Variants in DTNB observed in about 807,000 individuals in gnomAD.
DTNB encodes the protein DTN-B.
In DTNB, 63 loss-of-function variants were observed where a neutral mutation model predicts 90.7. That is an observed-to-expected ratio of 0.69 (90% CI 0.57 to 0.86). The LOEUF is 0.86. DTNB is among the 40% of genes least tolerant of loss of function. The probability of loss-of-function intolerance (pLI) is 0.00; values close to 1 mark genes in which losing one functional copy is unlikely to be tolerated. For missense variants in DTNB, 744 were observed against 807.1 expected, an observed-to-expected ratio of 0.92 and a Z score of 0.95; for synonymous variants, 277 against 286.7, an observed-to-expected ratio of 0.97 and a Z score of 0.34.
intron 17 of DTNB, 75 bp downstream of exon 17, chr2:25,388,127 A>G (rs919855886): frequency 2.6e-6 from 4 of 1,531,324 alleles, no homozygotes; most frequent in Non-Finnish European, 3.5e-6. Flanking sequence ...AGAAATGGAA[A>G]AAACCTCAGC....
rs984298040 is a variant in DTNB, at chr2:25,565,622, T to C, written c.876+11216A>G. Among the ~76,000 whole-genome samples the C allele has an allele frequency of 2.0e-5, 3 of 149,978 alleles. No individual in the cohort carries two copies. The South Asian group carries it at 6.3e-4, about 31-fold the overall frequency. ...TTCCCAGTTTATTGCATTTTTTTTT[T>C]ATCGTGACAGAATTTTGGGTTTTGT... On this transcript the variant is annotated intron_variant, in intron 8 of 20. Transcript: ENST00000406818.
intron 10 of DTNB, among the ~76,000 whole-genome samples, chr2:25,466,540 C>A (rs768785300): frequency 1.3e-5 from 2 of 152,192 alleles, no homozygotes; most frequent in Non-Finnish European, 2.9e-5. Context: ...TGTTAGAGAA[C>A]GCAGGGGAGC....
intron 9 of DTNB, among the ~76,000 whole-genome samples, chr2:25,521,232 G>A (rs2076075247): frequency 6.6e-6 from 1 of 152,212 alleles, no homozygotes; most frequent in South Asian, 2.1e-4. Context: ...TTCTTTGAGA[G>A]CAGGGGTTGG....
intron 12 of DTNB, among the ~76,000 whole-genome samples, chr2:25,442,518 G>A (rs1417289348): frequency 2.0e-5 from 3 of 152,308 alleles, no homozygotes; most frequent in South Asian, 2.1e-4. Context: ...ATCCAAGGTC[G>A]ATGCGCTGCT....
intron 14 of DTNB, 56 bp from the exon 15 acceptor site, chr2:25,427,687 C>T: frequency 1.3e-6 from 2 of 1,560,040 alleles, no homozygotes; most frequent in Non-Finnish European, 1.7e-6. Flanking sequence ...GGATCTAAGG[C>T]CAGGTGAAAT....
chr2:25,546,638 C>T (rs577556010), intron 8 of DTNB, among the ~76,000 whole-genome samples: 13 of 152,320 alleles, frequency 8.5e-5, no homozygotes, highest in South Asian at 2.1e-4. Context: ...CCCTGGAACA[C>T]CACAGTGTTA....
intron 6 of DTNB, among the ~76,000 whole-genome samples, chr2:25,583,738 C>A (rs2061919183): frequency 6.6e-6 from 1 of 152,010 alleles, no homozygotes; most frequent in Admixed American, 6.6e-5. Flanking sequence ...CCAGGATGGT[C>A]TCGATCTCCT....
At chr2:25,560,794 CAG>C (rs776190853) in intron 8 of DTNB, among the ~76,000 whole-genome samples, 3 of 152,158 alleles carry the variant, frequency 2.0e-5, no homozygotes, top group Non-Finnish European at 2.9e-5. Context: ...CTAGAGCTTG[CAG>C]AGAGAGTGTG....
At chr2:25,397,955 G>A (rs2042829598) in intron 16 of DTNB, among the ~76,000 whole-genome samples, 1 of 151,116 alleles carries the variant, frequency 6.6e-6, no homozygotes, top group Non-Finnish European at 1.5e-5. Context: ...GGCCCAGCCA[G>A]CATTAAACAT....
chr2:25,382,459 A>C (rs1012825656), intron 19 of DTNB, among the ~76,000 whole-genome samples: 1 of 151,684 alleles, frequency 6.6e-6, no homozygotes, highest in African/African-American at 2.4e-5. Flanking sequence ...GTTCAGTATA[A>C]CATAGAAGGA....
intron 16 of DTNB, among the ~76,000 whole-genome samples, chr2:25,390,600 A>G (rs1435224439): frequency 6.6e-6 from 1 of 151,270 alleles, no homozygotes; most frequent in African/African-American, 2.4e-5. Flanking sequence ...CGTGTGTGCC[A>G]CCATGCCTGG....
intron 1 of DTNB, among the ~76,000 whole-genome samples, chr2:25,658,117 C>T (rs1160990742): frequency 1.3e-5 from 2 of 151,956 alleles, no homozygotes; most frequent in South Asian, 2.1e-4. Context: ...ATGATCTGGG[C>T]GTGGTGGCAC....
chr2:25,424,245 G>A lies in DTNB; in HGVS notation c.1554+3290C>T, dbSNP rs963999632. ...TCTGAACAGCCTTAGCCTGTCAGAC[G>A]GGTAAATGATATTTAAGAACCTGGC... is the stretch of plus-strand genomic sequence containing the variant. On this transcript the variant is annotated intron_variant, in intron 15 of 20. Transcript: ENST00000406818. The surrounding 1 kb of genome is among the most constrained non-coding windows in gnomAD (Gnocchi z 4.1). Among the ~76,000 whole-genome samples the A allele has an allele frequency of 4.6e-5, 7 of 152,134 alleles. No individual in the cohort carries two copies. The highest frequency in any genetic ancestry group is 1.4e-4 in the African/African-American group (6 of 41,420).
intron 5 of DTNB, 44 bp downstream of exon 5, chr2:25,607,192 C>G (rs2148510379): frequency 6.5e-7 from 1 of 1,536,210 alleles, no homozygotes; most frequent in South Asian, 1.2e-5. Flanking sequence ...TTTAAAAGTC[C>G]TAATTTGAAA....
intron 9 of DTNB, among the ~76,000 whole-genome samples, chr2:25,517,687 CA>C: frequency 6.6e-6 from 1 of 152,262 alleles, no homozygotes; most frequent in Non-Finnish European, 1.5e-5. Flanking sequence ...ACCAGGAATA[CA>C]TACAAAAGAA....
At chr2:25,530,485 G>A (rs1434403186) in intron 9 of DTNB, among the ~76,000 whole-genome samples, 2 of 152,070 alleles carry the variant, frequency 1.3e-5, no homozygotes, top group Non-Finnish European at 2.9e-5. Flanking sequence ...TCAAGAAATG[G>A]TGCTCCAAAC....
chr2:25,411,934 T>C (rs1351095832), intron 16 of DTNB, among the ~76,000 whole-genome samples: 1 of 152,166 alleles, frequency 6.6e-6, no homozygotes, highest in Non-Finnish European at 1.5e-5. Context: ...GCCCAGAAGA[T>C]TGCAGAAGCA....
In DTNB at chr2:25,383,838, C is replaced by T. The variant is rs777688713; in HGVS notation, c.1877G>A (p.Arg626Lys). ...CAGTCCTGCTGAGCTGCCTTTACCT[C>T]TGTCTTTCCCATTCTGCATCTTCTC... is the stretch of plus-strand genomic sequence containing the variant. Reference protein sequence around the residue: ...EEEKMQNGKDRG With the variant: ...EEEKMQNGKDKG Residue 626 changes from arginine (R) to lysine (K), a missense_variant and splice_region_variant, in exon 19 of 21, where the codon AGA (arginine) becomes AAA (lysine). By Grantham distance (26) the Arg-to-Lys change is conservative (BLOSUM62 2). Transcript: ENST00000406818. 1.9e-6 allele frequency: 3 copies of T among 1,614,032 alleles called. No homozygotes were observed. Among genetic ancestry groups the T allele is most frequent in the Admixed American group, 1.7e-5 (1 of 60,032 alleles).
intron 3 of DTNB, among the ~76,000 whole-genome samples, chr2:25,633,930 G>A (rs542254368): frequency 4.6e-4 from 69 of 151,080 alleles, no homozygotes; most frequent in African/African-American, 1.5e-3. Flanking sequence ...GAGACCCTCC[G>A]CCTGGCAACC....
Sources: allele counts gnomAD v4.1 joint callset (sites outside exome capture counted in the v4.1 genomes callset), GRCh38; gene constraint gnomAD v4.1.1; non-coding constraint Gnocchi (gnomAD v3.1); transcripts MANE v1.5; gene names NCBI Gene and HGNC (gene_info 2026-07-23, HGNC 2026-07-21).